ZNF473: variants seen among roughly 807,000 people sequenced by gnomAD.
ZNF473 encodes zinc finger protein 473.
A neutral mutation model predicts 11.1 loss-of-function variants in ZNF473; 4 were observed. The observed-to-expected ratio is 0.36, with a 90% CI of 0.18 to 0.82. The LOEUF (loss-of-function observed/expected upper bound fraction) is 0.82. Among genes scored for constraint, ZNF473 ranks in the 40% least tolerant of loss-of-function variants. ZNF473 has a pLI of 0.49. For missense variants in ZNF473, 854 were observed against 1,084.0 expected (o/e 0.79, Z 2.98); for synonymous variants, 404 against 390.4 (o/e 1.03, Z -0.41).
rs1440153667 is a variant in ZNF473 at position 50,045,260 on chromosome 19, A to G, written c.817A>G (p.Thr273Ala). 5 of 1,614,192 alleles carry G rather than the reference A, an allele frequency of 3.1e-6. No homozygotes were observed. The highest frequency in any genetic ancestry group is 2.5e-6 in the Non-Finnish European group (3 of 1,180,032). ...CTATGTGTGTAATGAATATGGGACA[A>G]CTTTTAGTCAGAGTACATACCTGTG... ...KFYVCNEYGT[T>A]FSQSTYLWHQ... Residue 273 changes from threonine to alanine, a missense_variant, in exon 5 of 5, where the codon ACT becomes GCT. Coordinates refer to ENST00000270617, the MANE Select transcript of ZNF473 (RefSeq NM_015428.4).
At chr19:50,044,202 T>C (rs1568410048) in intron 4 of ZNF473, among the ~76,000 whole-genome samples, 1 of 151,920 alleles carries the variant, frequency 6.6e-6, no homozygotes, top group Non-Finnish European at 1.5e-5. Context: ...AGTTGAGACA[T>C]TTCGATAGAG....
rs759217643 is a variant in ZNF473, at chr19:50,044,686, G to A, written c.243G>A (p.Lys81=). ...EATSPDVTET[K]NSPLMEDFFE... ...CTCTTTCAGATGTGACTGAGACCAA[G>A]AACTCTCCTCTGATGGAGGATTTCT... The change falls in exon 5 of 5, where the codon AAG becomes AAA. Residue 81 remains lysine, a synonymous_variant. Transcript: ENST00000270617. The A allele has an allele frequency of 6.2e-7, 1 of 1,610,732 alleles. No individual in the cohort carries two copies. Among genetic ancestry groups the A allele is most frequent in the Non-Finnish European group, 8.5e-7 (1 of 1,178,408 alleles).
Position 50,031,103 on chromosome 19 carries a change from G to T in ZNF473, c.9+12G>T, listed in dbSNP as rs1408840877. 2 of 1,565,634 alleles carry T rather than the reference G, an allele frequency of 1.3e-6. No individual in the cohort carries two copies. Among genetic ancestry groups the T allele is most frequent in the Non-Finnish European group, 8.7e-7 (1 of 1,154,384 alleles). On this transcript the variant is annotated intron_variant, in intron 2 of 4. Coordinates refer to ENST00000270617, the MANE Select transcript of ZNF473 (RefSeq NM_015428.4). ...TGGCCATGGCTGAGGTGAGTTGAAGGTCGCTCTGTCCTAATCGGTCACACC... is the reference window on the plus strand; with the variant it reads ...TGGCCATGGCTGAGGTGAGTTGAAGTTCGCTCTGTCCTAATCGGTCACACC...
chr19:50,046,717 T>C lies in ZNF473; in HGVS notation c.2274T>C (p.Tyr758=), dbSNP rs1190173138. The part of the protein sequence containing the change: ...HQRIHTGEKP[Y]VCQECGKAFT... Reference sequence around the variant, plus strand: ...GAATTCACACTGGAGAAAAGCCTTATGTTTGTCAGGAATGCGGGAAAGCCT... The same window carrying C: ...GAATTCACACTGGAGAAAAGCCTTACGTTTGTCAGGAATGCGGGAAAGCCT... Residue 758 remains tyrosine (Y), a synonymous_variant, in exon 5 of 5, where the codon TAT becomes TAC. Coordinates refer to ENST00000270617, the MANE Select transcript of ZNF473 (RefSeq NM_015428.4). This position sits in a 1 kb window ranked among gnomAD's most constrained non-coding sequence, Gnocchi z 5.9. 5.0e-6 allele frequency: 8 copies of C among 1,613,984 alleles called. No individual in the cohort carries two copies. The Admixed American group carries it at 5.0e-5, about 10-fold the overall frequency.
At chr19:50,042,777 C>G (rs1382299549) in intron 4 of ZNF473, 1 of 152,206 alleles carries the variant, frequency 6.6e-6, no homozygotes, top group Non-Finnish European at 1.5e-5. Context: ...TGACATCATG[C>G]TTGGCATATA....
intron 2 of ZNF473, among the ~76,000 whole-genome samples, chr19:50,038,204 A>ATAAAT (rs1401119524): frequency 7.0e-6 from 1 of 141,972 alleles, no homozygotes; most frequent in African/African-American, 2.5e-5. Context: ...TTTATAAATT[A>ATAAAT]TATATATAAT....
At position 50,039,361 on chromosome 19, in the gene ZNF473, G is replaced by C; in HGVS notation, c.136+74G>C. ...TCACCCATGCTCTCTACCACCCACA[G>C]GGTGAAGTCCTGGCTCCTGGGCTCC... is the stretch of plus-strand genomic sequence containing the variant. On this transcript the variant is annotated intron_variant, in intron 3 of 4. Coordinates refer to ENST00000270617, the MANE Select transcript of ZNF473 (RefSeq NM_015428.4). The surrounding 1 kb of genome is among the most constrained non-coding windows in gnomAD (Gnocchi z 4.8). The C allele has an allele frequency of 6.3e-7, 1 of 1,583,462 alleles. No homozygotes were observed. The highest frequency in any genetic ancestry group is 8.6e-7 in the Non-Finnish European group (1 of 1,159,990).
chr19:50,036,478 TA>T (rs1358145882), intron 2 of ZNF473, among the ~76,000 whole-genome samples: 4 of 139,644 alleles, frequency 2.9e-5, no homozygotes, highest in Admixed American at 1.4e-4. Flanking sequence ...CATGCCCAGC[TA>T]ATTTTTTTTT....
chr19:50,035,128 C>CA (rs1568835284), intron 2 of ZNF473, among the ~76,000 whole-genome samples: 1 of 151,966 alleles, frequency 6.6e-6, no homozygotes, highest in African/African-American at 2.4e-5. Flanking sequence ...CCCATCTCTA[C>CA]AAAAAATTTA....
intron 4 of ZNF473, among the ~76,000 whole-genome samples, chr19:50,042,987 A>G (rs1978860215): frequency 6.6e-6 from 1 of 152,174 alleles, no homozygotes; most frequent in Admixed American, 6.5e-5. Context: ...GCAGTCTCAT[A>G]GATACTCAGA....
At chr19:50,027,848 T>C (rs10406823) in intron 1 of ZNF473, among the ~76,000 whole-genome samples, 7,984 of 152,086 alleles carry the variant, frequency 0.052, 688 homozygotes, top group African/African-American at 0.18. Context: ...CCACCATGCC[T>C]GGCTAATTTC....
chr19:50,037,106 G>T (rs1400062327), intron 2 of ZNF473, among the ~76,000 whole-genome samples: 1 of 152,304 alleles, frequency 6.6e-6, no homozygotes, highest in South Asian at 2.1e-4. Context: ...GCAGTCAGAT[G>T]CCTGGAGGGT....
At position 50,041,606 on chromosome 19, in the gene ZNF473, C is replaced by G. The variant is rs940084281; in HGVS notation, c.137-124C>G. 1.0e-5 allele frequency: 8 copies of G among 785,042 alleles called. No individual in the cohort carries two copies. The African/African-American group carries it at 1.4e-4, about 14-fold the overall frequency. 48.6% of individuals were successfully genotyped at this position (785,042 alleles called of 1,614,324 possible). ...AGAGTCGCCCAGTGCAGCACCTCGT[C>G]CACACACAGGAGCCACGTGCAGGAT... On this transcript the variant is annotated intron_variant, in intron 3 of 4. Coordinates refer to ENST00000270617, the MANE Select transcript of ZNF473 (RefSeq NM_015428.4).
chr19:50,029,754 A>G (rs897404187), intron 1 of ZNF473, among the ~76,000 whole-genome samples: 10 of 152,240 alleles, frequency 6.6e-5, no homozygotes, highest in African/African-American at 2.4e-4. Flanking sequence ...AAAAGAGACT[A>G]GAATAGAAAA....
chr19:50,031,977 A>C (rs964473500), intron 2 of ZNF473, among the ~76,000 whole-genome samples: 5 of 150,912 alleles, frequency 3.3e-5, no homozygotes, highest in African/African-American at 1.2e-4. Context: ...CCACAGTCCT[A>C]CCTCCCTCGT....
chr19:50,033,243 T>C (rs2077326716), intron 2 of ZNF473, among the ~76,000 whole-genome samples: 1 of 152,052 alleles, frequency 6.6e-6, no homozygotes, highest in Non-Finnish European at 1.5e-5. Flanking sequence ...GAAGAGGCAT[T>C]TCAGCAGAGA....
chr19:50,032,488 C>G (rs938412368), intron 2 of ZNF473, among the ~76,000 whole-genome samples: 1 of 152,076 alleles, frequency 6.6e-6, no homozygotes, highest in African/African-American at 2.4e-5. Flanking sequence ...CCCAAAACAG[C>G]TATCAGGACC....
intron 3 of ZNF473, chr19:50,041,495 C>A: frequency 3.0e-6 from 1 of 333,484 alleles, no homozygotes; most frequent in South Asian, 7.5e-5. Context: ...CCAGCCCCAG[C>A]TGTCACAGCT....
At chr19:50,030,722 C>A (rs1003478891) in intron 1 of ZNF473, among the ~76,000 whole-genome samples, 170 bp from the exon 2 acceptor site, 2 of 152,210 alleles carry the variant, frequency 1.3e-5, no homozygotes, top group Non-Finnish European at 2.9e-5. Flanking sequence ...ACAGAAGCTC[C>A]CACTGTGGCC....
Sources: allele counts gnomAD v4.1 joint callset (sites outside exome capture counted in the v4.1 genomes callset), GRCh38; gene constraint gnomAD v4.1.1; non-coding constraint Gnocchi (gnomAD v3.1); transcripts MANE v1.5; gene names NCBI Gene and HGNC (gene_info 2026-07-23, HGNC 2026-07-21).